Variants in HNRNPK observed in about 807,000 individuals in gnomAD.
HNRNPK encodes heterogeneous nuclear ribonucleoprotein K.
Under a neutral mutation model 67.0 loss-of-function variants are expected in HNRNPK, and 7 were observed. The observed-to-expected ratio is 0.10, with a 90% confidence interval of 0.06 to 0.20. The LOEUF is 0.20. HNRNPK is among the 10% of genes least tolerant of loss of function. The pLI is 1.00. For synonymous variants in HNRNPK, 213 were observed against 193.7 expected, an observed-to-expected ratio of 1.10 and a Z score of -0.83; for missense variants, 264 against 606.5, an observed-to-expected ratio of 0.44 and a Z score of 5.93.
At position 83,978,379 on chromosome 9, in the gene HNRNPK, T is replaced by C; in HGVS notation, c.-34A>G. 1.3e-6 allele frequency: 2 copies of C among 1,482,180 alleles called. No individual in the cohort carries two copies. The highest frequency in any genetic ancestry group is 4.8e-5 in the East Asian group (2 of 41,846). 91.8% of individuals were successfully genotyped at this position (1,482,180 alleles called of 1,614,324 possible). On this transcript the variant is annotated 5_prime_UTR_variant, in exon 2 of 17. Coordinates refer to ENST00000376263, the MANE Select transcript of HNRNPK (RefSeq NM_031263.4). The stretch of plus-strand genomic sequence containing the variant: ...CATTGCTTCTAGAACGTACCAGTTA[T>C]TATATATCCTTGCAGAGCAGAACTG...
intron 8 of HNRNPK, 118 bp from the exon 9 acceptor site, chr9:83,973,517 C>A: frequency 1.5e-6 from 1 of 676,988 alleles, no homozygotes; most frequent in Non-Finnish European, 2.7e-6. Context: ...ATTTATATTT[C>A]AATAACTTTA....
chr9:83,970,859 T>C, intron 14 of HNRNPK, 38 bp downstream of exon 14: 1 of 1,609,912 alleles, frequency 6.2e-7, no homozygotes, highest in Non-Finnish European at 8.5e-7. Context: ...TTAAAAAGTA[T>C]GAAATTAATG....
intron 9 of HNRNPK, 73 bp downstream of exon 9, chr9:83,973,213 A>C (rs1234046825): frequency 1.5e-5 from 14 of 908,232 alleles, no homozygotes; most frequent in East Asian, 2.4e-5. Flanking sequence ...GAAGCGAGAG[A>C]AGCTCACAGA....
chr9:83,974,498 TAAA>T lies in HNRNPK; in HGVS notation c.330+16_330+18del. On this transcript the variant is annotated intron_variant, in intron 7 of 16. Transcript: ENST00000376263. ...CCCCCCTCATATTGTCAAATACATT[TAAA>T]AAAAAATGAGCCTACCTCTTCCAAG... is the stretch of plus-strand genomic sequence containing the variant. 7.9e-7 allele frequency: 1 copy of T among 1,262,346 alleles called. No individual in the cohort carries two copies. Among genetic ancestry groups the T allele is most frequent in the Non-Finnish European group, 1.1e-6 (1 of 878,686 alleles). 78.2% of individuals were successfully genotyped at this position (1,262,346 alleles called of 1,614,324 possible).
chr9:83,971,750 A>G lies in HNRNPK; in HGVS notation c.954-24T>C, dbSNP rs778899927. 3.1e-6 allele frequency: 5 copies of G among 1,610,796 alleles called. No homozygotes were observed. The East Asian group carries it at 8.9e-5, about 29-fold the overall frequency. On this transcript the variant is annotated intron_variant, in intron 11 of 16. Transcript: ENST00000376263. Reference sequence around the variant, plus strand: ...CTCTGCAAGCATAGTACTTGTTGTAATCTAAACGTGCTTACATGCCACACA... The same window carrying G: ...CTCTGCAAGCATAGTACTTGTTGTAGTCTAAACGTGCTTACATGCCACACA...
rs544139763 is a variant in HNRNPK, at chr9:83,969,187, C to G, written c.*220G>C. ...TTAGTTTTTGCACGCCCTTCCCCCC[C>G]CCAACCCTGTTTGTAAGGAACTAAA... On this transcript the variant is annotated 3_prime_UTR_variant, in exon 17 of 17. Coordinates refer to ENST00000376263, the MANE Select transcript of HNRNPK (RefSeq NM_031263.4). 40 of 565,338 alleles carry G rather than the reference C, an allele frequency of 7.1e-5. No individual in the cohort carries two copies. Among genetic ancestry groups the G allele is most frequent in the Middle Eastern group, 4.9e-4 (1 of 2,048 alleles). 35.0% of individuals were successfully genotyped at this position (565,338 alleles called of 1,614,324 possible). A position where few individuals can be genotyped will look rare whatever the true frequency, so the allele number is the denominator to read the frequency against.
chr9:83,976,822 G>T, intron 5 of HNRNPK, 173 bp downstream of exon 5: 1 of 470,834 alleles, frequency 2.1e-6, no homozygotes, highest in Non-Finnish European at 3.8e-6. Context: ...GCTCAATCTG[G>T]GCTTTTGTTA....
chr9:83,969,705 G>C (rs1265367207), intron 16 of HNRNPK: 3 of 620,684 alleles, frequency 4.8e-6, no homozygotes, highest in Non-Finnish European at 9.0e-6. Flanking sequence ...AAGAATGCTA[G>C]TAAGGTGTGA....
At chr9:83,976,363 T>C (rs548561291) in intron 5 of HNRNPK, 1 of 152,620 alleles carries the variant, frequency 6.6e-6, no homozygotes, top group African/African-American at 2.4e-5. Context: ...AGCCAAGTCC[T>C]ATAAATGTGC....
chr9:83,973,796 A>T, intron 8 of HNRNPK, 106 bp downstream of exon 8: 1 of 799,128 alleles, frequency 1.3e-6, no homozygotes, highest in Non-Finnish European at 2.1e-6. Flanking sequence ...TCATGTTTTT[A>T]AGCCTTTTTC....
chr9:83,975,114 A>T (rs1957018480), intron 6 of HNRNPK, among the ~76,000 whole-genome samples: 1 of 152,258 alleles, frequency 6.6e-6, no homozygotes, highest in South Asian at 2.1e-4. Flanking sequence ...AGTGAACCAG[A>T]GTTAGCATTT....
intron 12 of HNRNPK, 42 bp downstream of exon 12, chr9:83,971,630 C>T: frequency 6.7e-7 from 1 of 1,486,934 alleles, no homozygotes; most frequent in Non-Finnish European, 9.4e-7. Flanking sequence ...TTGTGACAAC[C>T]CTCACATACC....
At chr9:83,970,510 T>C (rs1956779388) in intron 15 of HNRNPK, 179 bp from the exon 16 acceptor site, 3 of 648,828 alleles carry the variant, frequency 4.6e-6, no homozygotes, top group Non-Finnish European at 5.3e-6. Flanking sequence ...TACTAATGTT[T>C]CCCTTAGTTA....
intron 4 of HNRNPK, among the ~76,000 whole-genome samples, chr9:83,977,312 G>C (rs1350240663): frequency 1.3e-5 from 2 of 152,190 alleles, no homozygotes; most frequent in African/African-American, 4.8e-5. Flanking sequence ...AGATTTTATA[G>C]CACCCTTTGG....
chr9:83,973,476 CAAT>C (rs969210311), intron 8 of HNRNPK, 77 bp from the exon 9 acceptor site: 25 of 827,158 alleles, frequency 3.0e-5, no homozygotes, highest in Admixed American at 1.5e-4. Context: ...ATAAGCATAA[CAAT>C]AATATACTGT....
intron 4 of HNRNPK, among the ~76,000 whole-genome samples, chr9:83,977,266 C>T (rs530248373): frequency 6.6e-6 from 1 of 152,248 alleles, no homozygotes; most frequent in South Asian, 2.1e-4. Flanking sequence ...TACTCAATGT[C>T]AGAAATAACA....
rs749426272 is a variant in HNRNPK at position 83,971,623 on chromosome 9, T to A, written c.1008+49A>T. On this transcript the variant is annotated intron_variant, in intron 12 of 16. Coordinates refer to ENST00000376263, the MANE Select transcript of HNRNPK (RefSeq NM_031263.4). Reference sequence around the variant, plus strand: ...CTTCAACAAAACGTGAACTACATTGTGACAACCCTCACATACCCAACACAC... The same window carrying A: ...CTTCAACAAAACGTGAACTACATTGAGACAACCCTCACATACCCAACACAC... The A allele has an allele frequency of 2.0e-5, 29 of 1,450,900 alleles. No homozygotes were observed. In the East Asian group the frequency reaches 5.9e-4, roughly 29 times the overall value. 89.9% of individuals were successfully genotyped at this position (1,450,900 alleles called of 1,614,324 possible).
chr9:83,971,714 G>A lies in HNRNPK; in HGVS notation c.966C>T (p.Ala322=). The change falls in exon 12 of 17, where the codon GCC becomes GCT. Residue 322 remains alanine (A), a synonymous_variant. Coordinates refer to ENST00000376263, the MANE Select transcript of HNRNPK (RefSeq NM_031263.4). Reference sequence around the variant, plus strand: ...CTCCAGGTCTCCCTCTTCTGTCATAGGCCATGAGGTCTCTGCAAGCATAGT... The same window carrying A: ...CTCCAGGTCTCCCTCTTCTGTCATAAGCCATGAGGTCTCTGCAAGCATAGT... ...PPPPRGGDLM[A]YDRRGRPGDR... 6.2e-7 allele frequency: 1 copy of A among 1,613,848 alleles called. No individual in the cohort carries two copies. The highest frequency in any genetic ancestry group is 8.5e-7 in the Non-Finnish European group (1 of 1,179,764).
chr9:83,974,483 A>G (rs1324159309), intron 7 of HNRNPK, 34 bp downstream of exon 7: 5 of 1,063,832 alleles, frequency 4.7e-6, no homozygotes, highest in South Asian at 3.9e-5. Flanking sequence ...CCCCCCTCAT[A>G]TTGTCAAATA....
Sources: allele counts gnomAD v4.1 joint callset (sites outside exome capture counted in the v4.1 genomes callset), GRCh38; gene constraint gnomAD v4.1.1; transcripts MANE v1.5; gene names NCBI Gene and HGNC (gene_info 2026-07-23, HGNC 2026-07-21).